The following PDCD4 variants were observed in gnomAD, a reference collection of about 807,000 sequenced individuals.
The protein encoded by PDCD4 is programmed cell death 4.
Under a neutral mutation model 54.0 loss-of-function variants are expected in PDCD4, and 56 were observed. That is an observed-to-expected ratio of 1.04 (90% CI 0.84 to 1.30). The LOEUF (loss-of-function observed/expected upper bound fraction) is 1.30. Among genes scored for constraint, PDCD4 ranks in the 50% most tolerant of loss-of-function variants. The pLI is 0.00. For missense variants in PDCD4, 584 were observed against 559.8 expected (o/e 1.04, Z -0.44); for synonymous variants, 186 against 194.8 (o/e 0.95, Z 0.37).
At chr10:110,879,323 T>C (rs1033359235) in intron 2 of PDCD4, among the ~76,000 whole-genome samples, 4 of 152,094 alleles carry the variant, frequency 2.6e-5, no homozygotes, top group African/African-American at 9.7e-5. Flanking sequence ...GTGATTCTGG[T>C]GAGGTAAGCA....
intron 1 of PDCD4, among the ~76,000 whole-genome samples, chr10:110,873,250 C>T (rs1376287115): frequency 6.6e-6 from 1 of 152,074 alleles, no homozygotes; most frequent in East Asian, 1.9e-4. Flanking sequence ...AAATAAATGC[C>T]GCTTGAATAT....
At chr10:110,893,097 T>C (rs1845780038) in intron 8 of PDCD4, among the ~76,000 whole-genome samples, 1 of 152,064 alleles carries the variant, frequency 6.6e-6, no homozygotes, top group African/African-American at 2.4e-5. Flanking sequence ...GTATACTCTA[T>C]GATGTTTGCA....
In PDCD4 at chr10:110,899,799, A is replaced by G. The variant is rs1382380498; in HGVS notation, c.*1711A>G. The G allele has an allele frequency of 6.7e-6, 1 of 149,958 alleles. No individual in the cohort carries two copies. The highest frequency in any genetic ancestry group is 1.5e-5 in the Non-Finnish European group (1 of 67,134). The allele number at this position is 149,958 out of a possible 1,614,324, so 9.3% of individuals were successfully genotyped here. ...AACAAGAGTGAAACTCTTGTCTCAA[A>G]AAAAAAAAAAAATGAGGTTTAAGAC... On this transcript the variant is annotated 3_prime_UTR_variant, in exon 12 of 12. Coordinates refer to ENST00000280154, the MANE Select transcript of PDCD4 (RefSeq NM_014456.5).
rs781150720 is a variant in PDCD4 at position 110,881,229 on chromosome 10, T to G, written c.44-4T>G. 7.5e-6 allele frequency: 12 copies of G among 1,604,594 alleles called. No individual in the cohort carries two copies. The highest frequency in any genetic ancestry group is 2.7e-5 in the African/African-American group (2 of 74,286). ...GAATTTTTTTCTTCATTTTTCTCTT[T>G]AAGATCCTGATAACTTAAGTGACTC... is the stretch of plus-strand genomic sequence containing the variant. On this transcript the variant is annotated splice_polypyrimidine_tract_variant and splice_region_variant and intron_variant, in intron 2 of 11. Coordinates refer to ENST00000280154, the MANE Select transcript of PDCD4 (RefSeq NM_014456.5).
chr10:110,881,266 G>A lies in PDCD4; in HGVS notation c.77G>A (p.Gly26Asp), dbSNP rs772371476. The change falls in exon 3 of 12, where the codon GGT (glycine) becomes GAT (aspartate). Residue 26 changes from glycine (G) to aspartate (D), a missense_variant. Coordinates refer to ENST00000280154, the MANE Select transcript of PDCD4 (RefSeq NM_014456.5). Reference protein sequence around the residue: ...PDNLSDSLFSGDEENAGTEEI... With the variant: ...PDNLSDSLFSDDEENAGTEEI... The stretch of plus-strand genomic sequence containing the variant: ...AACTTAAGTGACTCTCTCTTTTCCG[G>A]TGATGAAGAAAATGCTGGGACTGAG... The A allele has an allele frequency of 6.2e-7, 1 of 1,613,190 alleles. No homozygotes were observed. Among genetic ancestry groups the A allele is most frequent in the East Asian group, 2.2e-5 (1 of 44,874 alleles).
intron 5 of PDCD4, 109 bp from the exon 6 acceptor site, chr10:110,887,556 G>T: frequency 1.5e-6 from 1 of 651,726 alleles, no homozygotes; most frequent in Admixed American, 2.9e-5. Context: ...TCCAAAGAGT[G>T]AGACGTAGAG....
chr10:110,883,832 G>T (rs917248859), intron 4 of PDCD4, among the ~76,000 whole-genome samples: 27 of 152,126 alleles, frequency 1.8e-4, no homozygotes, highest in African/African-American at 6.3e-4. Context: ...ATTGTGTGTT[G>T]TATGTATGTA....
At chr10:110,876,677 TC>T in intron 2 of PDCD4, 1 of 1,146,760 alleles carries the variant, frequency 8.7e-7, no homozygotes, top group Non-Finnish European at 1.2e-6. Flanking sequence ...TAGGGTATTT[TC>T]CCTAATTCTC....
In PDCD4 at chr10:110,876,053, TGAATGTAAACCC is replaced by T; in HGVS notation, c.27_38del (p.Asn10_Pro13del). ...ATGGATGTAGAAAATGAGCAGATACTGAATGTAAACCCTGCAGGTAAGTAAGGATATCCTTTT... is the reference window on the plus strand; with the variant it reads ...ATGGATGTAGAAAATGAGCAGATACTTGCAGGTAAGTAAGGATATCCTTTT... On this transcript the variant is annotated inframe_deletion, in exon 2 of 12. Transcript: ENST00000280154. 6.2e-7 allele frequency: 1 copy of T among 1,610,858 alleles called. No homozygotes were observed. The highest frequency in any genetic ancestry group is 1.3e-5 in the African/African-American group (1 of 74,696).
chr10:110,888,010 G>T, intron 6 of PDCD4, 124 bp downstream of exon 6: 1 of 588,680 alleles, frequency 1.7e-6, no homozygotes, highest in African/African-American at 1.9e-5. Context: ...CTACGACACC[G>T]AAATATTCCG....
At chr10:110,882,951 A>C in intron 3 of PDCD4, 52 bp from the exon 4 acceptor site, 1 of 1,092,936 alleles carries the variant, frequency 9.1e-7, no homozygotes, top group Non-Finnish European at 1.4e-6. Flanking sequence ...TTTAGATTTC[A>C]ACAAATTGAT....
intron 2 of PDCD4, chr10:110,876,735 G>T: frequency 7.6e-7 from 1 of 1,314,780 alleles, no homozygotes; most frequent in South Asian, 1.8e-5. Flanking sequence ...GAACAGTTTT[G>T]TGGAATAGAT....
chr10:110,891,331 C>CAGG (rs1211903410), intron 8 of PDCD4, among the ~76,000 whole-genome samples: 4 of 140,758 alleles, frequency 2.8e-5, no homozygotes, highest in Non-Finnish European at 6.0e-5. Flanking sequence ...TGCTTGAACC[C>CAGG]AGGAGGAGGA....
intron 4 of PDCD4, chr10:110,884,933 A>G (rs184583253): frequency 3.6e-4 from 63 of 175,120 alleles, no homozygotes; most frequent in African/African-American, 1.3e-3. Context: ...AGCTAGGACT[A>G]CAGGGGCAAG....
chr10:110,890,435 A>G, intron 7 of PDCD4, 121 bp from the exon 8 acceptor site: 1 of 467,638 alleles, frequency 2.1e-6, no homozygotes, highest in Non-Finnish European at 3.9e-6. Context: ...TTTGAATTTT[A>G]TTTTGCTTTT....
At chr10:110,881,123 A>G (rs1845583244) in intron 2 of PDCD4, 110 bp from the exon 3 acceptor site, 2 of 729,846 alleles carry the variant, frequency 2.7e-6, no homozygotes, top group Non-Finnish European at 2.3e-6. Context: ...TAATTTACCT[A>G]CAAAAATGGT....
In PDCD4 at chr10:110,898,101, T is replaced by C. The variant is rs749729920; in HGVS notation, c.*13T>C. 6.6e-6 allele frequency: 10 copies of C among 1,515,628 alleles called. No homozygotes were observed. Among genetic ancestry groups the C allele is most frequent in the Non-Finnish European group, 9.0e-6 (10 of 1,110,756 alleles). The allele number at this position is 1,515,628 out of a possible 1,614,324, so 93.9% of individuals were successfully genotyped here. A position where few individuals can be genotyped will look rare whatever the true frequency, so the allele number is the denominator to read the frequency against. ...AGAGAGCTACTGAATATAAGAACTC[T>C]TGCAGTCTTAGATGTTATAAAAATA... On this transcript the variant is annotated 3_prime_UTR_variant, in exon 12 of 12. Coordinates refer to ENST00000280154, the MANE Select transcript of PDCD4 (RefSeq NM_014456.5).
At chr10:110,897,938 C>T (rs1001325945) in intron 11 of PDCD4, 90 bp from the exon 12 acceptor site, 30 of 867,058 alleles carry the variant, frequency 3.5e-5, no homozygotes, top group African/African-American at 1.8e-4. Flanking sequence ...TAACACGTAA[C>T]GAAAAAATAC....
chr10:110,886,540 T>C (rs1178030119), intron 5 of PDCD4, among the ~76,000 whole-genome samples: 4 of 152,150 alleles, frequency 2.6e-5, no homozygotes, highest in Admixed American at 2.6e-4. Flanking sequence ...ACTCTCTTAG[T>C]AGTATATCAT....
Sources: gnomAD v4.1 joint callset for allele counts (sites outside exome capture counted in the v4.1 genomes callset) on GRCh38, gnomAD v4.1.1 for gene constraint, MANE v1.5 for transcripts, NCBI Gene and HGNC (gene_info 2026-07-23, HGNC 2026-07-21) for gene names.